COL22A1: variants seen among roughly 807,000 people sequenced by gnomAD.
The protein encoded by COL22A1 is collagen alpha-1(XXII) chain.
A neutral mutation model predicts 248.9 loss-of-function variants in COL22A1; 221 were observed. The ratio of observed to expected loss-of-function variants is 0.89; its 90% CI spans 0.80 to 0.99. The LOEUF (loss-of-function observed/expected upper bound fraction) is 0.99, where lower values mean the gene tolerates loss of function less well. Ranked by LOEUF, COL22A1 falls within the 50% of genes least tolerant of loss-of-function variation. The probability of loss-of-function intolerance (pLI) is 0.00; values close to 1 mark genes in which losing one functional copy is unlikely to be tolerated. For synonymous variants in COL22A1, 891 were observed against 793.4 expected (o/e 1.12, Z -2.07); for missense variants, 2,240 against 2,179.0 (o/e 1.03, Z -0.56).
At chr8:138,754,960 G>A (rs149607635) in intron 21 of COL22A1, among the ~76,000 whole-genome samples, 197 bp downstream of exon 21, 6 of 152,300 alleles carry the variant, frequency 3.9e-5, no homozygotes, top group Admixed American at 6.5e-5. Flanking sequence ...GCTGCCTGAC[G>A]TGGAGAGAGT....
chr8:138,636,921 T>C (rs80196025), intron 47 of COL22A1, 126 bp from the exon 48 acceptor site: 61,548 of 799,108 alleles, frequency 0.077, 2,819 homozygotes, highest in South Asian at 0.15. Flanking sequence ...GTTCCTGTGG[T>C]AGCTCAGGCA....
rs1352792263 is a variant in COL22A1 at position 138,662,148 on chromosome 8, C to G, written c.3187-65G>C. ...TTTAAGCAAATAAGGACACACCCTC[C>G]TTGGCAATAGTTGGCTCTCCTTCAA... On this transcript the variant is annotated intron_variant, in intron 42 of 64. Transcript: ENST00000303045. 4 of 1,396,748 alleles carry G rather than the reference C, an allele frequency of 2.9e-6. No individual in the cohort carries two copies. In the African/African-American group the frequency reaches 5.7e-5, roughly 20 times the overall value. 86.5% of individuals were successfully genotyped at this position (1,396,748 alleles called of 1,614,324 possible). A position where few individuals can be genotyped will look rare whatever the true frequency, so the allele number is the denominator to read the frequency against.
In COL22A1 at chr8:138,598,768, G is replaced by T; in HGVS notation, c.4316C>A (p.Pro1439Gln). ...GCCTGGAGGCCCTGGGGGTCCAACTGGTCCATTCTCCCCAGGTAGTCCTTG... is the reference window on the plus strand; with the variant it reads ...GCCTGGAGGCCCTGGGGGTCCAACTTGTCCATTCTCCCCAGGTAGTCCTTG... ...GPQGLPGENG[P>Q]VGPPGPPGQP... is the part of the protein sequence containing the mutation. Residue 1439 changes from proline to glutamine, a missense_variant, in exon 61 of 65, where the codon CCA becomes CAA. Transcript: ENST00000303045. 1.2e-6 allele frequency: 2 copies of T among 1,614,028 alleles called. No homozygotes were observed. Among genetic ancestry groups the T allele is most frequent in the Non-Finnish European group, 1.7e-6 (2 of 1,179,966 alleles).
chr8:138,901,454 C>T (rs1025047957), intron 1 of COL22A1, among the ~76,000 whole-genome samples: 51 of 149,636 alleles, frequency 3.4e-4, no homozygotes, highest in African/African-American at 1.2e-3. Context: ...GCAGCCTCTA[C>T]CTCCCAGGCT....
chr8:138,711,060 G>A (rs1828921092), intron 30 of COL22A1, among the ~76,000 whole-genome samples: 1 of 152,170 alleles, frequency 6.6e-6, no homozygotes, highest in African/African-American at 2.4e-5. Context: ...GGGAAGAACA[G>A]CGAGCTGGAG....
chr8:138,874,585 C>A (rs925329134), intron 3 of COL22A1, among the ~76,000 whole-genome samples: 1 of 152,198 alleles, frequency 6.6e-6, no homozygotes, highest in African/African-American at 2.4e-5. Flanking sequence ...ATAATCTCTT[C>A]TCCTCCCCGG....
chr8:138,658,570 T>C (rs1354137385), intron 44 of COL22A1, among the ~76,000 whole-genome samples: 1 of 152,214 alleles, frequency 6.6e-6, no homozygotes, highest in Non-Finnish European at 1.5e-5. Flanking sequence ...TTGAGTGCTG[T>C]CTGCACAACT....
intron 58 of COL22A1, among the ~76,000 whole-genome samples, chr8:138,605,415 A>C (rs1264170094): frequency 6.6e-6 from 1 of 152,232 alleles, no homozygotes; most frequent in Non-Finnish European, 1.5e-5. Context: ...CTGGCTGCTC[A>C]GTAGCAGCAG....
rs557871542 is a variant in COL22A1, at chr8:138,762,126, C to T, written c.1857+287G>A. 5.3e-5 allele frequency among the ~76,000 whole-genome samples: 8 copies of T among 152,330 alleles called. No homozygotes were observed. The East Asian group carries it at 1.4e-3, about 26-fold the overall frequency. On this transcript the variant is annotated intron_variant, in intron 17 of 64. Transcript: ENST00000303045. Reference sequence around the variant, plus strand: ...AAGACGGCAATGAGCGCTGCTTACACACATCACCTTGAAAACGTGCGCGTG... The same window carrying T: ...AAGACGGCAATGAGCGCTGCTTACATACATCACCTTGAAAACGTGCGCGTG...
chr8:138,911,517 C>A (rs573182232), intron 1 of COL22A1, among the ~76,000 whole-genome samples: 1 of 152,306 alleles, frequency 6.6e-6, no homozygotes, highest in Admixed American at 6.5e-5. Context: ...CTGCAGGTCA[C>A]ACAGATGACA....
intron 1 of COL22A1, among the ~76,000 whole-genome samples, chr8:138,889,858 G>A (rs771230454): frequency 3.3e-5 from 5 of 152,150 alleles, no homozygotes; most frequent in Middle Eastern, 3.4e-3. Flanking sequence ...GCAGAAACCC[G>A]GCTTTATCAA....
intron 61 of COL22A1, among the ~76,000 whole-genome samples, chr8:138,597,807 C>T (rs757608384): frequency 4.6e-5 from 7 of 152,214 alleles, no homozygotes; most frequent in Admixed American, 1.3e-4. Flanking sequence ...GCAGGACTGG[C>T]AGAACTTGGC....
intron 63 of COL22A1, among the ~76,000 whole-genome samples, chr8:138,592,256 T>C (rs1373387810): frequency 2.0e-5 from 3 of 152,238 alleles, no homozygotes; most frequent in African/African-American, 4.8e-5. Context: ...TGAATGAAGA[T>C]AGTGGAGATT....
chr8:138,912,492 G>GCA (rs1022121711), intron 1 of COL22A1, among the ~76,000 whole-genome samples: 2 of 152,214 alleles, frequency 1.3e-5, no homozygotes, highest in Non-Finnish European at 2.9e-5. Flanking sequence ...TGTAACCCCA[G>GCA]CACTCTGGGA....
At chr8:138,756,204 C>A (rs1832989935) in intron 18 of COL22A1, among the ~76,000 whole-genome samples, 2 of 152,196 alleles carry the variant, frequency 1.3e-5, no homozygotes, top group Non-Finnish European at 2.9e-5. Flanking sequence ...ACTGTGAGAG[C>A]TGTGATGATA....
intron 16 of COL22A1, among the ~76,000 whole-genome samples, chr8:138,772,168 A>C (rs1320873309): frequency 1.3e-5 from 2 of 152,196 alleles, no homozygotes; most frequent in Non-Finnish European, 2.9e-5. Flanking sequence ...CTGCACGCTG[A>C]GTTCGATCTT....
chr8:138,611,491 A>G (rs371816786), intron 56 of COL22A1, among the ~76,000 whole-genome samples: 34 of 152,278 alleles, frequency 2.2e-4, no homozygotes, highest in African/African-American at 8.2e-4. Flanking sequence ...GGGGCTCTGG[A>G]GCAGGGTTTC....
chr8:138,611,812 G>A (rs889909048), intron 56 of COL22A1, among the ~76,000 whole-genome samples: 2 of 152,158 alleles, frequency 1.3e-5, no homozygotes, highest in African/African-American at 4.8e-5. Context: ...CAACCTCATA[G>A]GACCTGCCAC....
chr8:138,815,528 T>A (rs529609876), intron 7 of COL22A1, among the ~76,000 whole-genome samples: 44 of 152,336 alleles, frequency 2.9e-4, no homozygotes, highest in African/African-American at 1.0e-3. Context: ...CTCCTGCTCC[T>A]GCGCTGGCTC....
Sources: gnomAD v4.1 joint callset for allele counts (sites outside exome capture counted in the v4.1 genomes callset) on GRCh38, gnomAD v4.1.1 for gene constraint, MANE v1.5 for transcripts, NCBI Gene and HGNC (gene_info 2026-07-23, HGNC 2026-07-21) for gene names.